CSMD1: variants seen among roughly 807,000 people sequenced by gnomAD.
CSMD1 encodes the protein CUB and Sushi multiple domains 1.
A neutral mutation model predicts 417.5 loss-of-function variants in CSMD1; 213 were observed. The ratio of observed to expected loss-of-function variants is 0.51; its 90% CI spans 0.46 to 0.57. The LOEUF is 0.57. Among genes scored for constraint, CSMD1 ranks in the 20% least tolerant of loss-of-function variants. CSMD1 has a pLI of 0.00. For synonymous variants in CSMD1, 2,862 were observed against 1,736.8 expected, an observed-to-expected ratio of 1.65 and a Z score of -16.11; for missense variants, 6,923 against 4,529.7, an observed-to-expected ratio of 1.53 and a Z score of -15.17.
intron 7 of CSMD1, among the ~76,000 whole-genome samples, chr8:3,699,214 A>G (rs1800716661): frequency 6.6e-6 from 1 of 152,226 alleles, no homozygotes; most frequent in African/African-American, 2.4e-5. Context: ...AGAGCACACA[A>G]TGTAGACTGA....
chr8:4,441,698 A>T (rs533641500), intron 2 of CSMD1, among the ~76,000 whole-genome samples: 2 of 152,276 alleles, frequency 1.3e-5, no homozygotes, highest in East Asian at 3.9e-4. Context: ...TCAAATACCA[A>T]TTAAAACGTT....
intron 23 of CSMD1, among the ~76,000 whole-genome samples, chr8:3,335,192 T>C (rs910775108): frequency 2.6e-5 from 4 of 152,134 alleles, no homozygotes; most frequent in African/African-American, 7.2e-5. Flanking sequence ...GTTAGGGGTA[T>C]TGGTGAACCA....
chr8:3,182,116 A>ATTTCTCCCTTT, intron 36 of CSMD1, among the ~76,000 whole-genome samples: 1 of 152,234 alleles, frequency 6.6e-6, no homozygotes, highest in African/African-American at 2.4e-5. Context: ...CTGCTGTATA[A>ATTTCTCCCTTT]AGGGAGAAAT....
chr8:4,515,531 G>C (rs1803067626), intron 2 of CSMD1, among the ~76,000 whole-genome samples: 1 of 152,180 alleles, frequency 6.6e-6, no homozygotes, highest in Non-Finnish European at 1.5e-5. Context: ...ACTTCATACA[G>C]TTATTCAAAA....
intron 4 of CSMD1, among the ~76,000 whole-genome samples, chr8:4,021,648 C>G (rs1332883651): frequency 2.0e-5 from 3 of 152,190 alleles, no homozygotes; most frequent in East Asian, 1.9e-4. Context: ...TCTCTCTCCC[C>G]ATCCCTTTTC....
chr8:4,524,148 C>T (rs895357207), intron 2 of CSMD1, among the ~76,000 whole-genome samples: 1 of 151,610 alleles, frequency 6.6e-6, no homozygotes, highest in Non-Finnish European at 1.5e-5. Context: ...CAGACCTATG[C>T]ATCATATTTG....
intron 5 of CSMD1, among the ~76,000 whole-genome samples, chr8:3,815,774 T>C (rs554446274): frequency 2.6e-5 from 4 of 152,282 alleles, no homozygotes; most frequent in East Asian, 1.9e-4. Context: ...CATTGTTCAT[T>C]TGATCTATAG....
chr8:4,067,169 C>T (rs903792715), intron 3 of CSMD1, among the ~76,000 whole-genome samples: 1 of 152,226 alleles, frequency 6.6e-6, no homozygotes, highest in African/African-American at 2.4e-5. Context: ...ATGAAAGATA[C>T]TGGGTGAAAG....
intron 7 of CSMD1, among the ~76,000 whole-genome samples, chr8:3,635,971 C>A (rs1020656724): frequency 6.6e-5 from 10 of 152,084 alleles, no homozygotes; most frequent in Non-Finnish European, 1.2e-4. Context: ...TAGCTTTTGG[C>A]TCTTTTGTAA....
intron 7 of CSMD1, among the ~76,000 whole-genome samples, chr8:3,669,603 G>T (rs1220281402): frequency 1.3e-5 from 2 of 152,174 alleles, no homozygotes; most frequent in African/African-American, 4.8e-5. Context: ...AGAAAATCAC[G>T]ACAGGGAAGA....
chr8:3,702,824 G>A (rs539732010), intron 7 of CSMD1, among the ~76,000 whole-genome samples: 2 of 152,132 alleles, frequency 1.3e-5, no homozygotes, highest in African/African-American at 4.8e-5. Flanking sequence ...ACGAGACTCT[G>A]TCTCAATAAC....
At chr8:4,123,587 A>G (rs1647324) in intron 3 of CSMD1, among the ~76,000 whole-genome samples, 150,675 of 152,320 alleles carry the variant, frequency 0.99, 74,547 homozygotes, top group East Asian at 1. Context: ...GTTAATTTCT[A>G]TGGTTTTTAT....
At chr8:3,346,160 TTA>T (rs1365794724) in intron 22 of CSMD1, among the ~76,000 whole-genome samples, 6 of 152,238 alleles carry the variant, frequency 3.9e-5, no homozygotes, top group African/African-American at 1.4e-4. Flanking sequence ...TGTAGGTATT[TTA>T]TATGACTGAC....
intron 54 of CSMD1, among the ~76,000 whole-genome samples, chr8:2,991,790 C>G (rs1054142378): frequency 6.6e-6 from 1 of 152,172 alleles, no homozygotes; most frequent in African/African-American, 2.4e-5. Flanking sequence ...TATTTCCCAT[C>G]TGAGAACTGC....
intron 7 of CSMD1, among the ~76,000 whole-genome samples, chr8:3,687,832 C>T (rs968902140): frequency 6.6e-6 from 1 of 152,200 alleles, no homozygotes; most frequent in African/African-American, 2.4e-5. Context: ...TAGCACTGCT[C>T]TCTCAGTCCA....
At chr8:3,821,421 C>T (rs992166525) in intron 5 of CSMD1, among the ~76,000 whole-genome samples, 2 of 152,188 alleles carry the variant, frequency 1.3e-5, no homozygotes, top group East Asian at 1.9e-4. Flanking sequence ...GTGGATTATG[C>T]ATTCTGCTAT....
intron 5 of CSMD1, among the ~76,000 whole-genome samples, chr8:3,835,533 A>G (rs978381828): frequency 6.6e-6 from 1 of 152,036 alleles, no homozygotes; most frequent in Non-Finnish European, 1.5e-5. Context: ...ACACATGGAC[A>G]CAGGAAAGGG....
chr8:3,651,539 T>C lies in CSMD1; in HGVS notation c.1010-34742A>G, dbSNP rs567542858. ...GTTTCTCCAGGTGTCTCCTCCAATG[T>C]CATGGTATTAATGAGGTCTTGGCTG... On this transcript the variant is annotated intron_variant, in intron 7 of 69. Transcript: ENST00000635120. Among the ~76,000 whole-genome samples the C allele has an allele frequency of 2.6e-5, 4 of 152,272 alleles. No homozygotes were observed. In the South Asian group the frequency reaches 8.3e-4, roughly 32 times the overall value.
chr8:3,826,603 T>A (rs908585399), intron 5 of CSMD1, among the ~76,000 whole-genome samples: 1 of 152,090 alleles, frequency 6.6e-6, no homozygotes, highest in Non-Finnish European at 1.5e-5. Flanking sequence ...CCAGCTTTCC[T>A]CTCAGTCCCG....
Sources: gnomAD v4.1 joint callset for allele counts (sites outside exome capture counted in the v4.1 genomes callset) on GRCh38, gnomAD v4.1.1 for gene constraint, MANE v1.5 for transcripts, NCBI Gene and HGNC (gene_info 2026-07-23, HGNC 2026-07-21) for gene names.